Variants in ATAD3B observed in about 807,000 individuals in gnomAD.
ATAD3B encodes ATPase family AAA domain containing 3B, also known as ATPase family AAA domain-containing protein 3B.
ATAD3B carries 59 observed loss-of-function variants against 70.2 expected under a neutral mutation model. That is an observed-to-expected ratio of 0.84 (90% CI 0.68 to 1.04). ATAD3B has a LOEUF of 1.04. Among genes scored for constraint, ATAD3B ranks in the 50% least tolerant of loss-of-function variants. ATAD3B has a pLI of 0.00. For missense variants in ATAD3B, 961 were observed against 913.4 expected (o/e 1.05, Z -0.67); for synonymous variants, 423 against 388.6 (o/e 1.09, Z -1.04).
chr1:1,472,431 A>G (rs1003300080), intron 1 of ATAD3B, among the ~76,000 whole-genome samples: 12 of 152,014 alleles, frequency 7.9e-5, no homozygotes, highest in African/African-American at 2.9e-4. Flanking sequence ...CACGTGGCAC[A>G]GGCCAAGGCG....
At position 1,485,131 on chromosome 1, in the gene ATAD3B, CCCGCATCACGG is replaced by C. The variant is rs1640135148; in HGVS notation, c.867_877del (p.Arg290AlafsTer28). On this transcript the variant is annotated frameshift_variant, in exon 8 of 16. Transcript: ENST00000673477. LOFTEE classifies it high-confidence loss of function. ...AAGCCGTCCCTAGTGAGGGAGACGTCCCGCATCACGGTGCTGGAGGCGCTGCGGCACCCCAT... is the reference window on the plus strand; with the variant it reads ...AAGCCGTCCCTAGTGAGGGAGACGTCTGCTGGAGGCGCTGCGGCACCCCAT... The C allele has an allele frequency of 6.2e-7, 1 of 1,610,456 alleles. No homozygotes were observed. The highest frequency in any genetic ancestry group is 1.7e-5 in the Admixed American group (1 of 59,894).
At position 1,495,808 on chromosome 1, in the gene ATAD3B, C is replaced by G; in HGVS notation, c.1938C>G (p.Pro646=). 3 of 1,583,024 alleles carry G rather than the reference C, an allele frequency of 1.9e-6. No homozygotes were observed. The highest frequency in any genetic ancestry group is 1.7e-6 in the Non-Finnish European group (2 of 1,164,634). The change falls in exon 16 of 16, where the codon CCC becomes CCG. Residue 646 remains proline (P), a synonymous_variant. Coordinates refer to ENST00000673477, the MANE Select transcript of ATAD3B (RefSeq NM_031921.6). ...GGCCGTTCTGCCCCCCAGGGCACCC[C>G]CTGTTGTAGGCACTGGCTAGGGAGG... ...GGRPFCPPGH[P]LL
intron 1 of ATAD3B, among the ~76,000 whole-genome samples, chr1:1,475,230 A>G (rs1429632363): frequency 6.7e-6 from 1 of 149,114 alleles, no homozygotes; most frequent in South Asian, 2.1e-4. Flanking sequence ...GGAGCCCTCC[A>G]TCAGGCTTTT....
the ATAD3B span, among the ~76,000 whole-genome samples, chr1:1,508,275 A>T: frequency 8.6e-5 from 13 of 151,246 alleles, no homozygotes; most frequent in African/African-American, 2.2e-4. Flanking sequence ...GTGTCTCCCC[A>T]CACAGTGGCT....
downstream of ATAD3B, among the ~76,000 whole-genome samples, chr1:1,501,792 A>G (rs1027748716): frequency 6.6e-6 from 1 of 152,232 alleles, no homozygotes; most frequent in Non-Finnish European, 1.5e-5. Context: ...GTAATGCACT[A>G]CGGCAGTCCG....
the ATAD3B span, among the ~76,000 whole-genome samples, chr1:1,505,176 C>T: frequency 6.6e-6 from 1 of 152,008 alleles, no homozygotes; most frequent in Admixed American, 6.5e-5. Flanking sequence ...GGAGTGTGAG[C>T]CATCTCCAGT....
chr1:1,482,208 G>A lies in ATAD3B; in HGVS notation c.585G>A (p.Ala195=), dbSNP rs552663924. The change falls in exon 6 of 16, where the codon GCG becomes GCA. Residue 195 remains alanine, a synonymous_variant. Transcript: ENST00000673477. The part of the protein sequence containing the change: ...EMLRVETEAR[A]RAKAERENAD... ...TGCGAGTGGAGACCGAGGCCCGGGC[G>A]CGCGCCAAGGCCGAGCGGGAGAATG... 38 of 1,611,014 alleles carry A rather than the reference G, an allele frequency of 2.4e-5. No individual in the cohort carries two copies. Among genetic ancestry groups the A allele is most frequent in the Middle Eastern group, 1.8e-4 (1 of 5,542 alleles).
rs1293143993 is a variant in ATAD3B at position 1,485,831 on chromosome 1, T to G, written c.956T>G (p.Val319Gly). ...CCCCAGGACGTGCTGGAGGGTGTTG[T>G]GCTTAGTGTAAGTCGGTGTGCCTGG... ...SRPQDVLEGV[V>G]LSPSLEARVR... Residue 319 changes from valine (V) to glycine (G), a missense_variant, in exon 9 of 16, where the codon GTG (valine) becomes GGG (glycine). This residue lies in a region of ATAD3B where 349 missense variants were observed against 307.5 expected (regional missense o/e 1.14). Transcript: ENST00000673477. 2 of 1,612,920 alleles carry G rather than the reference T, an allele frequency of 1.2e-6. No homozygotes were observed. The highest frequency in any genetic ancestry group is 2.7e-5 in the African/African-American group (2 of 74,838).
chr1:1,503,358 G>C, the ATAD3B span: 3 of 532,786 alleles, frequency 5.6e-6, no homozygotes, highest in Admixed American at 9.3e-5. Context: ...GGCTCTCCAA[G>C]ACCATCCCTG....
At chr1:1,490,464 A>G (rs1361867427) in intron 14 of ATAD3B, 40 bp downstream of exon 14, 3 of 1,612,120 alleles carry the variant, frequency 1.9e-6, no homozygotes, top group East Asian at 4.5e-5. Context: ...TCCAGGCACC[A>G]TATGGCATGG....
chr1:1,483,091 G>A (rs537494915), intron 7 of ATAD3B: 10 of 453,522 alleles, frequency 2.2e-5, no homozygotes, highest in South Asian at 4.7e-5. Flanking sequence ...TCCGGAGATC[G>A]AGATCATCCT....
chr1:1,499,923 C>G (rs1326261085), downstream of ATAD3B, among the ~76,000 whole-genome samples: 3 of 132,586 alleles, frequency 2.3e-5, no homozygotes, highest in Non-Finnish European at 3.2e-5. Flanking sequence ...GAGACAGAGT[C>G]TTGCTCTGTT....
At chr1:1,486,331 C>T in intron 10 of ATAD3B, 96 bp downstream of exon 10, 2 of 1,601,358 alleles carry the variant, frequency 1.2e-6, no homozygotes, top group South Asian at 1.1e-5. Flanking sequence ...GAATGGACCC[C>T]CCTTAGGCCT....
chr1:1,493,009 G>A (rs1184683919), intron 15 of ATAD3B, among the ~76,000 whole-genome samples: 2 of 151,890 alleles, frequency 1.3e-5, no homozygotes, highest in Non-Finnish European at 2.9e-5. Flanking sequence ...TGCTCGGGAG[G>A]CTGAGTCAGG....
downstream of ATAD3B, among the ~76,000 whole-genome samples, chr1:1,498,656 C>A (rs1640871615): frequency 6.6e-6 from 1 of 151,620 alleles, no homozygotes; most frequent in African/African-American, 2.4e-5. Context: ...GATCCTCCTG[C>A]CTCGGCCTCC....
chr1:1,506,124 C>T, the ATAD3B span, among the ~76,000 whole-genome samples: 8 of 152,202 alleles, frequency 5.3e-5, no homozygotes, highest in African/African-American at 1.7e-4. Flanking sequence ...TCCTACCTAC[C>T]TGGGAGGCTG....
chr1:1,477,153 C>G (rs1367429664), intron 1 of ATAD3B, 121 bp from the exon 2 acceptor site: 3 of 1,320,974 alleles, frequency 2.3e-6, no homozygotes, highest in African/African-American at 2.9e-5. Flanking sequence ...GGATTACAGG[C>G]GTGAACCACC....
In ATAD3B at chr1:1,478,648, A is replaced by G; in HGVS notation, c.287A>G (p.Tyr96Cys). Residue 96 changes from tyrosine (Y) to cysteine (C), a missense_variant, in exon 3 of 16, where the codon TAT becomes TGT. Tyr to Cys is a radical substitution (Grantham distance 194). This residue lies in a region of ATAD3B where 187 missense variants were observed against 244.3 expected (regional missense o/e 0.77). Coordinates refer to ENST00000673477, the MANE Select transcript of ATAD3B (RefSeq NM_031921.6). ...GGTGAGTGCTGTGCTCTGCAGGAGT[A>G]TGAGGCCGCCGTGGAGCAGCTCAAG... ...QLEQQSKLKE[Y>C]EAAVEQLKSE... is the part of the protein sequence containing the mutation. The G allele has an allele frequency of 6.5e-7, 1 of 1,547,672 alleles. No homozygotes were observed. Among genetic ancestry groups the G allele is most frequent in the Non-Finnish European group, 8.7e-7 (1 of 1,145,836 alleles).
chr1:1,506,787 C>CT, the ATAD3B span, among the ~76,000 whole-genome samples: 3,891 of 120,054 alleles, frequency 0.032, 223 homozygotes, highest in African/African-American at 0.099. Context: ...TTTCTTTTTT[C>CT]TTTTTTTTTT....
Sources: allele counts gnomAD v4.1 joint callset (sites outside exome capture counted in the v4.1 genomes callset), GRCh38; gene constraint gnomAD v4.1.1; regional missense constraint gnomAD v4.1.1; transcripts MANE v1.5; gene names NCBI Gene and HGNC (gene_info 2026-07-23, HGNC 2026-07-21).